Variants in MINDY4B observed in about 807,000 individuals in gnomAD.
MINDY4B encodes the protein MINDY family member 4B.
A neutral mutation model predicts 16.7 loss-of-function variants in MINDY4B; 25 were observed. The observed-to-expected ratio is 1.49, with a 90% CI of 1.09 to 2.09. The LOEUF (loss-of-function observed/expected upper bound fraction) is 2.09, where lower values mean the gene tolerates loss of function less well. Ranked by LOEUF, MINDY4B falls within the 30% of genes most tolerant of loss-of-function variation. The pLI is 0.00. For synonymous variants in MINDY4B, 132 were observed against 61.9 expected, an observed-to-expected ratio of 2.13 and a Z score of -5.32; for missense variants, 327 against 168.4, an observed-to-expected ratio of 1.94 and a Z score of -5.21.
In MINDY4B at chr3:150,870,538, T is replaced by C. The variant is rs1716942359; in HGVS notation, c.*507A>G. Among the ~76,000 whole-genome samples the C allele has an allele frequency of 6.6e-6, 1 of 152,206 alleles. No individual in the cohort carries two copies. The highest frequency in any genetic ancestry group is 6.5e-5 in the Admixed American group (1 of 15,280). On this transcript the variant is annotated 3_prime_UTR_variant, in exon 12 of 12. Transcript: ENST00000465419. Reference sequence around the variant, plus strand: ...CCAAGAAGCCCATTTACTATTTTAATGACAAGAACTTGCTAATGTGGGCAT... The same window carrying C: ...CCAAGAAGCCCATTTACTATTTTAACGACAAGAACTTGCTAATGTGGGCAT...
At chr3:150,886,731 C>T (rs192378533) in intron 7 of MINDY4B, among the ~76,000 whole-genome samples, 90 of 152,276 alleles carry the variant, frequency 5.9e-4, no homozygotes, top group African/African-American at 2.1e-3. Context: ...CATAACCCTC[C>T]TCCCTCTGCT....
At chr3:150,890,665 C>G in intron 6 of MINDY4B, 3 of 498,918 alleles carry the variant, frequency 6.0e-6, no homozygotes, top group Non-Finnish European at 3.6e-6. Flanking sequence ...ATTTAGCTGT[C>G]TTTCGGACAG....
chr3:150,883,465 G>A (rs760264960), intron 9 of MINDY4B, among the ~76,000 whole-genome samples: 1 of 152,024 alleles, frequency 6.6e-6, no homozygotes, highest in African/African-American at 2.4e-5. Flanking sequence ...GCTCTCGGAG[G>A]TAAACTAAGG....
intron 3 of MINDY4B, 119 bp from the exon 4 acceptor site, chr3:150,894,424 A>G (rs1711906281): frequency 1.8e-6 from 1 of 569,616 alleles, no homozygotes; most frequent in Non-Finnish European, 3.1e-6. Flanking sequence ...ATTCAGGTTT[A>G]CATATTACTC....
chr3:150,897,446 C>A (rs542666075), intron 3 of MINDY4B, among the ~76,000 whole-genome samples: 1 of 151,630 alleles, frequency 6.6e-6, no homozygotes, highest in East Asian at 1.9e-4. Context: ...CTTTGAATAT[C>A]ATATTCAGGC....
At chr3:150,883,086 T>C (rs1333854420) in intron 9 of MINDY4B, 28 bp from the exon 10 acceptor site, 11 of 642,332 alleles carry the variant, frequency 1.7e-5, no homozygotes, top group Admixed American at 2.5e-5. Context: ...CAGATACTTA[T>C]ATTTTAGATA....
At chr3:150,887,018 A>T (rs1248496098) in intron 7 of MINDY4B, among the ~76,000 whole-genome samples, 2 of 152,230 alleles carry the variant, frequency 1.3e-5, no homozygotes, top group Non-Finnish European at 2.9e-5. Context: ...ATACATACCT[A>T]TGAAAAAGTT....
intron 7 of MINDY4B, among the ~76,000 whole-genome samples, chr3:150,885,641 A>G (rs1711602943): frequency 6.6e-6 from 1 of 152,222 alleles, no homozygotes; most frequent in Middle Eastern, 3.4e-3. Flanking sequence ...TGGTGCTGTC[A>G]TTCTCTTGGC....
intron 10 of MINDY4B, among the ~76,000 whole-genome samples, chr3:150,880,305 C>CTGTGTG (rs60659488): frequency 0.041 from 6,189 of 149,832 alleles, 305 homozygotes; most frequent in African/African-American, 0.12. Context: ...AGGTTCCCAT[C>CTGTGTG]TGTGTGTGTG....
chr3:150,874,482 T>C (rs1307371350), intron 10 of MINDY4B, among the ~76,000 whole-genome samples: 1 of 152,236 alleles, frequency 6.6e-6, no homozygotes. Flanking sequence ...AGGCTTTCCA[T>C]CAAAATTTAT....
intron 7 of MINDY4B, among the ~76,000 whole-genome samples, chr3:150,887,054 A>G (rs1190537181): frequency 1.3e-5 from 2 of 152,242 alleles, no homozygotes; most frequent in African/African-American, 4.8e-5. Flanking sequence ...TAATAGATTA[A>G]CAACAATAAT....
At chr3:150,891,635 G>A (rs1420304947) in intron 5 of MINDY4B, among the ~76,000 whole-genome samples, 4 of 151,804 alleles carry the variant, frequency 2.6e-5, no homozygotes, top group Non-Finnish European at 4.4e-5. Flanking sequence ...GGTGGCAGGC[G>A]CCTGTAGTCC....
chr3:150,877,179 G>A (rs1711498058), intron 10 of MINDY4B, among the ~76,000 whole-genome samples: 2 of 152,156 alleles, frequency 1.3e-5, no homozygotes, highest in African/African-American at 2.4e-5. Flanking sequence ...AGCATTACAG[G>A]ATGGGTTTCA....
intron 6 of MINDY4B, 188 bp downstream of exon 6, chr3:150,890,750 T>G: frequency 1.9e-6 from 1 of 531,454 alleles, no homozygotes; most frequent in Non-Finnish European, 3.4e-6. Context: ...ATAGCAGGAA[T>G]TTAAAACAGG....
chr3:150,903,284 A>G lies in MINDY4B; in HGVS notation c.274T>C (p.Leu92=), dbSNP rs2107912905. The change falls in exon 3 of 12, where the codon TTG becomes CTG. Residue 92 remains leucine (L), a synonymous_variant. Transcript: ENST00000465419. ...GCTAGGGAGATAGGAAAGCCACCCA[A>G]TTTTGAAGAGATGATAGAGGGGTTG... The part of the protein sequence containing the change: ...IPNPSIISSK[L]GGFPISLAMA... The G allele has an allele frequency of 2.5e-6, 1 of 398,516 alleles. No homozygotes were observed. The highest frequency in any genetic ancestry group is 4.4e-6 in the Non-Finnish European group (1 of 226,020). The allele number at this position is 398,516 out of a possible 1,614,324, so 24.7% of individuals were successfully genotyped here.
At chr3:150,882,753 G>A (rs1042555084) in intron 10 of MINDY4B, 144 bp downstream of exon 10, 3 of 427,090 alleles carry the variant, frequency 7.0e-6, no homozygotes, top group Non-Finnish European at 8.3e-6. Context: ...TTCCCTGAAT[G>A]TCTGTGTGTG....
At position 150,894,301 on chromosome 3, in the gene MINDY4B, A is replaced by G; in HGVS notation, c.314T>C (p.Leu105Pro). 1.4e-6 allele frequency: 1 copy of G among 690,522 alleles called. No individual in the cohort carries two copies. The highest frequency in any genetic ancestry group is 1.5e-5 in the South Asian group (1 of 64,626). 42.8% of individuals were successfully genotyped at this position (690,522 alleles called of 1,614,324 possible). Reference sequence around the variant, plus strand: ...TGTGTTTCCAAACAGGATCTGCCGCAGCTTCTGAAAAGAGGGGAAAGAAAT... The same window carrying G: ...TGTGTTTCCAAACAGGATCTGCCGCGGCTTCTGAAAAGAGGGGAAAGAAAT... ...FPISLAMATK[L>P]RQILFGNTVH... is the part of the protein sequence containing the mutation. Residue 105 changes from leucine (L) to proline (P), a missense_variant, in exon 4 of 12, where the codon CTG becomes CCG. Physicochemically the swap from Leu to Pro is moderately conservative, Grantham distance 98 (BLOSUM62 -3). Transcript: ENST00000465419.
intron 3 of MINDY4B, among the ~76,000 whole-genome samples, chr3:150,897,006 T>C (rs932989966): frequency 4.0e-5 from 6 of 151,430 alleles, no homozygotes; most frequent in African/African-American, 1.5e-4. Context: ...AAAAGGGAGG[T>C]AAGAAGTATT....
Position 150,870,918 on chromosome 3 carries a change from A to C in MINDY4B, c.*127T>G. On this transcript the variant is annotated 3_prime_UTR_variant, in exon 12 of 12. Coordinates refer to ENST00000465419, the MANE Select transcript of MINDY4B (RefSeq NM_001351281.2). ...AAAAAATGAAAAAACTGCTAATGGT[A>C]TATATATATATTTTTTGGTGGGGCT... 1.9e-6 allele frequency: 1 copy of C among 523,552 alleles called. No homozygotes were observed. Among genetic ancestry groups the C allele is most frequent in the Non-Finnish European group, 3.4e-6 (1 of 291,766 alleles). The allele number at this position is 523,552 out of a possible 1,614,324, so 32.4% of individuals were successfully genotyped here. A position where few individuals can be genotyped will look rare whatever the true frequency, so the allele number is the denominator to read the frequency against.
Sources: allele counts gnomAD v4.1 joint callset (sites outside exome capture counted in the v4.1 genomes callset), GRCh38; gene constraint gnomAD v4.1.1; transcripts MANE v1.5; gene names NCBI Gene and HGNC (gene_info 2026-07-23, HGNC 2026-07-21).